TAF6: variants seen among roughly 807,000 people sequenced by gnomAD.
The protein encoded by TAF6 is TATA-box binding protein associated factor 6.
TAF6 carries 50 observed loss-of-function variants against 73.5 expected under a neutral mutation model. The ratio of observed to expected loss-of-function variants is 0.68; its 90% CI spans 0.54 to 0.86. The LOEUF (loss-of-function observed/expected upper bound fraction) is 0.86. Ranked by LOEUF, TAF6 falls within the 40% of genes least tolerant of loss-of-function variation. TAF6 has a pLI of 0.00. For missense variants in TAF6, 768 were observed against 899.5 expected, an observed-to-expected ratio of 0.85 and a Z score of 1.87; for synonymous variants, 424 against 376.7, an observed-to-expected ratio of 1.13 and a Z score of -1.45.
intron 10 of TAF6, among the ~76,000 whole-genome samples, chr7:100,110,496 GTC>G (rs1342932096): frequency 4.6e-5 from 7 of 151,892 alleles, no homozygotes; most frequent in Non-Finnish European, 1.0e-4. Flanking sequence ...GTGAAACTCT[GTC>G]TCTACTAAAA....
chr7:100,114,656 G>A, intron 1 of TAF6: 1 of 360,856 alleles, frequency 2.8e-6, no homozygotes, highest in East Asian at 5.2e-5. Context: ...GAGGGCAGAG[G>A]TTGCAGTGAG....
At chr7:100,119,880 C>T (rs1797977110), upstream of TAF6, 5 of 1,584,368 alleles carry the variant, frequency 3.2e-6, no homozygotes, top group Non-Finnish European at 8.6e-7. Flanking sequence ...AAGGGGGTAG[C>T]CCCTATAGGC....
intron 1 of TAF6, chr7:100,118,752 TG>T (rs1797891674): frequency 3.8e-6 from 2 of 520,128 alleles, no homozygotes; most frequent in Admixed American, 6.4e-5. Context: ...ACAGGTAGGG[TG>T]GGGCCGTGCT....
At chr7:100,121,108 A>ATTTTTTTTTTT (rs1562938218), upstream of TAF6, 6 of 17,880 alleles carry the variant, frequency 3.4e-4, no homozygotes, top group Non-Finnish European at 7.6e-4. Flanking sequence ...ATATATATAT[A>ATTTTTTTTTTT]TATATATATT....
At position 100,111,646 on chromosome 7, in the gene TAF6, G is replaced by A. The variant is rs574969538; in HGVS notation, c.900+82C>T. The A allele has an allele frequency of 2.4e-5, 35 of 1,431,478 alleles. No individual in the cohort carries two copies. The South Asian group carries it at 3.5e-4, about 14-fold the overall frequency. 88.7% of individuals were successfully genotyped at this position (1,431,478 alleles called of 1,614,324 possible). A position where few individuals can be genotyped will look rare whatever the true frequency, so the allele number is the denominator to read the frequency against. On this transcript the variant is annotated intron_variant, in intron 9 of 14. Transcript: ENST00000453269. ...CCAAAGTTGCTGGGATTTCAGGTGT[G>A]AGCCACTGCTGACCACTGACTTCCT...
upstream of TAF6, chr7:100,124,643 G>GT (rs1584590160): frequency 4.3e-6 from 7 of 1,611,678 alleles, no homozygotes; most frequent in East Asian, 1.6e-4. Context: ...TAAGCGTAAG[G>GT]GTTGAACTCC....
chr7:100,113,590 G>A, intron 4 of TAF6, 26 bp downstream of exon 4: 1 of 1,611,466 alleles, frequency 6.2e-7, no homozygotes, highest in South Asian at 1.1e-5. Context: ...CCTCCTCCCT[G>A]CCACCCTGCT....
chr7:100,107,696 C>T (rs1796685065), intron 14 of TAF6, 73 bp from the exon 15 acceptor site: 2 of 1,563,614 alleles, frequency 1.3e-6, no homozygotes, highest in East Asian at 2.3e-5. Context: ...GAGGACGCTT[C>T]ACTCGCTCCC....
rs1056721464 is a variant in TAF6, at chr7:100,113,067, C to T, written c.455-150G>A. 40 of 1,174,152 alleles carry T rather than the reference C, an allele frequency of 3.4e-5. No individual in the cohort carries two copies. The East Asian group carries it at 9.4e-4, about 28-fold the overall frequency. 72.7% of individuals were successfully genotyped at this position (1,174,152 alleles called of 1,614,324 possible). A position where few individuals can be genotyped will look rare whatever the true frequency, so the allele number is the denominator to read the frequency against. On this transcript the variant is annotated intron_variant, in intron 5 of 14. Coordinates refer to ENST00000453269, the MANE Select transcript of TAF6 (RefSeq NM_139315.3). ...ATCACCTCAGGTCAGAAGTTCGAGA[C>T]CAGCCTGGCCAACATGGTGAAACCT...
chr7:100,120,133 G>C (rs1056093743), upstream of TAF6: 2 of 341,572 alleles, frequency 5.9e-6, no homozygotes, highest in African/African-American at 4.3e-5. Flanking sequence ...GGGACCATCG[G>C]CCCGGGACTG....
intron 1 of TAF6, among the ~76,000 whole-genome samples, chr7:100,115,816 CA>C (rs1562932483): frequency 6.6e-6 from 1 of 151,832 alleles, no homozygotes; most frequent in East Asian, 1.9e-4. Context: ...ACTAAAAATA[CA>C]AAAACTAGCT....
chr7:100,113,325 C>G, intron 5 of TAF6, 24 bp downstream of exon 5: 1 of 1,563,006 alleles, frequency 6.4e-7, no homozygotes, highest in Admixed American at 2.0e-5. Flanking sequence ...CCCAGAGACC[C>G]AGAGGGTGGG....
At chr7:100,125,490 TTTTC>T in the TAF6 span, 1 of 152,178 alleles carries the variant, frequency 6.6e-6, no homozygotes, top group Non-Finnish European at 1.5e-5. Flanking sequence ...TATTAAACTT[TTTTC>T]TTTTTTTCTA....
intron 13 of TAF6, 66 bp from the exon 14 acceptor site, chr7:100,108,189 G>A (rs1292222576): frequency 3.3e-6 from 5 of 1,504,042 alleles, no homozygotes; most frequent in Non-Finnish European, 4.5e-6. Flanking sequence ...GAAGGGAGAG[G>A]CCTGGGCTCC....
chr7:100,107,179 CATGT>C lies in TAF6; in HGVS notation c.*63_*66del, dbSNP rs1796593421. ...AACTTCCTTCCGCTTAGCGAGCATG[CATGT>C]GTGTACGTGCACGTGTGTACATGTC... is the stretch of plus-strand genomic sequence containing the variant. On this transcript the variant is annotated 3_prime_UTR_variant, in exon 15 of 15. Transcript: ENST00000453269. 5 of 1,517,210 alleles carry C rather than the reference CATGT, an allele frequency of 3.3e-6. No homozygotes were observed. The African/African-American group carries it at 5.6e-5, about 17-fold the overall frequency. The allele number at this position is 1,517,210 out of a possible 1,614,324, so 94.0% of individuals were successfully genotyped here. A position where few individuals can be genotyped will look rare whatever the true frequency, so the allele number is the denominator to read the frequency against.
chr7:100,112,218 C>T lies in TAF6; in HGVS notation c.610G>A (p.Ala204Thr), dbSNP rs144051703. The change falls in exon 7 of 15, where the codon GCC (alanine) becomes ACC (threonine). Residue 204 changes from alanine (A) to threonine (T), a missense_variant. Ala to Thr is a moderately conservative substitution (Grantham distance 58). Coordinates refer to ENST00000453269, the MANE Select transcript of TAF6 (RefSeq NM_139315.3). ...EKKAPPLLEG[A>T]PLRLKPRSIH... ...CTCCGGGGCTTCAGTCGCAAGGGGG[C>T]CCCCTCCAGCAAGGGCGGCGCCTTC... 318 of 1,614,072 alleles carry T rather than the reference C, an allele frequency of 2.0e-4. 3 individuals carry two copies. The African/African-American group carries it at 3.9e-3, about 20-fold the overall frequency.
chr7:100,120,453 G>C (rs1177183777), upstream of TAF6: 1 of 152,238 alleles, frequency 6.6e-6, no homozygotes, highest in Non-Finnish European at 1.5e-5. Context: ...CTGCACTAGC[G>C]TGGGGCCCAG....
In TAF6 at chr7:100,114,163, G is replaced by A. The variant is rs1488179362; in HGVS notation, c.47C>T (p.Ser16Leu). ...KLKLSNTVLP[S>L]ESMKVVAESM... ...TTCAGCCACCACCTTCATGGACTCC[G>A]AGGGCAGCACAGTGTTGCTAAGCTT... is the stretch of plus-strand genomic sequence containing the variant. Residue 16 changes from serine (S) to leucine (L), a missense_variant, in exon 2 of 15, where the codon TCG becomes TTG. Ser to Leu is a moderately radical substitution (Grantham distance 145). Coordinates refer to ENST00000453269, the MANE Select transcript of TAF6 (RefSeq NM_139315.3). The A allele has an allele frequency of 7.4e-6, 12 of 1,614,218 alleles. No individual in the cohort carries two copies. The highest frequency in any genetic ancestry group is 1.1e-5 in the South Asian group (1 of 91,086).
rs1796608120 is a variant in TAF6, at chr7:100,107,252, A to T, written c.2028T>A (p.Ala676=). 6.6e-7 allele frequency: 1 copy of T among 1,523,162 alleles called. No individual in the cohort carries two copies. The highest frequency in any genetic ancestry group is 2.3e-5 in the East Asian group (1 of 44,224). The allele number at this position is 1,523,162 out of a possible 1,614,324, so 94.4% of individuals were successfully genotyped here. The change falls in exon 15 of 15, where the codon GCT becomes GCA. Residue 676 remains alanine, a synonymous_variant. Coordinates refer to ENST00000453269, the MANE Select transcript of TAF6 (RefSeq NM_139315.3). ...GGGGCTGGCAGGTGGAGCATCACGG[A>T]GCAGGCTGAGGGGAGCCGGAGTTGG... ...SQPNSGSPQP[A]P
Sources: allele counts gnomAD v4.1 joint callset (sites outside exome capture counted in the v4.1 genomes callset), GRCh38; gene constraint gnomAD v4.1.1; transcripts MANE v1.5; gene names NCBI Gene and HGNC (gene_info 2026-07-23, HGNC 2026-07-21).